HMBOX1: variants seen among roughly 807,000 people sequenced by gnomAD.
The protein encoded by HMBOX1 is homeobox containing 1, also known as homeobox-containing protein 1.
In HMBOX1, 14 loss-of-function variants were observed where a neutral mutation model predicts 54.5. The observed-to-expected ratio is 0.26, with a 90% CI of 0.17 to 0.40. The LOEUF is 0.40. Among genes scored for constraint, HMBOX1 ranks in the 10% least tolerant of loss-of-function variants. The pLI is 1.00. For missense variants in HMBOX1, 332 were observed against 514.4 expected, an observed-to-expected ratio of 0.65 and a Z score of 3.43; for synonymous variants, 160 against 181.0, an observed-to-expected ratio of 0.88 and a Z score of 0.93.
chr8:28,998,797 T>C (rs1832223813), intron 4 of HMBOX1, among the ~76,000 whole-genome samples: 1 of 152,104 alleles, frequency 6.6e-6, no homozygotes, highest in African/African-American at 2.4e-5. Flanking sequence ...TTTTGCTATA[T>C]TTTTCGAGCT....
intron 1 of HMBOX1, among the ~76,000 whole-genome samples, chr8:28,941,789 T>C (rs1165185008): frequency 6.6e-6 from 1 of 152,226 alleles, no homozygotes; most frequent in Non-Finnish European, 1.5e-5. Flanking sequence ...TTTACTTCTC[T>C]ACATACTACT....
At chr8:29,009,002 A>T in intron 4 of HMBOX1, 70 bp from the exon 5 acceptor site, 1 of 1,256,658 alleles carries the variant, frequency 8.0e-7, no homozygotes. Flanking sequence ...GTAACCTAGA[A>T]CCAAAAGATC....
intron 1 of HMBOX1, among the ~76,000 whole-genome samples, chr8:28,902,610 G>T (rs917187303): frequency 6.6e-6 from 1 of 152,170 alleles, no homozygotes; most frequent in Admixed American, 6.5e-5. Context: ...TCTTCAGTAT[G>T]GTGGCTTCAA....
At chr8:28,896,388 A>AAGTAGACTCTATGGTGTTC (rs1554518034) in intron 1 of HMBOX1, among the ~76,000 whole-genome samples, 2 of 124,866 alleles carry the variant, frequency 1.6e-5, no homozygotes. Flanking sequence ...ACAGGTGTGT[A>AAGTAGACTCTATGGTGTTC]GATTGCATAA....
intron 1 of HMBOX1, among the ~76,000 whole-genome samples, chr8:28,921,363 A>G (rs768922307): frequency 2.0e-5 from 3 of 152,152 alleles, no homozygotes; most frequent in African/African-American, 4.8e-5. Flanking sequence ...AAATATTTCC[A>G]TAGACGTTTG....
intron 6 of HMBOX1, among the ~76,000 whole-genome samples, chr8:29,033,481 A>G (rs1803346195): frequency 6.6e-6 from 1 of 152,184 alleles, no homozygotes; most frequent in Non-Finnish European, 1.5e-5. Context: ...TTGACAGGTA[A>G]AGTTATCCCA....
intron 1 of HMBOX1, among the ~76,000 whole-genome samples, chr8:28,894,853 T>G (rs1333028406): frequency 1.3e-5 from 2 of 152,090 alleles, no homozygotes; most frequent in Admixed American, 1.3e-4. Flanking sequence ...GTAATAAAGT[T>G]GAAGTTACAT....
chr8:28,959,463 A>G (rs1004005055), intron 1 of HMBOX1, among the ~76,000 whole-genome samples: 8 of 152,200 alleles, frequency 5.3e-5, no homozygotes, highest in African/African-American at 1.4e-4. Context: ...TTTTCCACGT[A>G]ATATTCTCGG....
intron 1 of HMBOX1, among the ~76,000 whole-genome samples, chr8:28,947,490 A>G (rs1242517053): frequency 1.3e-5 from 2 of 152,212 alleles, no homozygotes; most frequent in South Asian, 2.1e-4. Flanking sequence ...AGCACTCGCT[A>G]CCTAGTAAAT....
rs150071746 is a variant in HMBOX1 at position 29,050,954 on chromosome 8, GTCTC to G, written c.1126-60_1126-57del. Reference sequence around the variant, plus strand: ...GTTCTGCCTCCCCTTGCCCCAGCATGTCTCTCTGTGACTAAAGAATTCTTCCAAT... The same window carrying G: ...GTTCTGCCTCCCCTTGCCCCAGCATGTCTGTGACTAAAGAATTCTTCCAAT... On this transcript the variant is annotated intron_variant, in intron 9 of 9. Coordinates refer to ENST00000287701, the MANE Select transcript of HMBOX1 (RefSeq NM_001135726.3). 1,663 of 1,539,242 alleles carry G rather than the reference GTCTC, an allele frequency of 1.1e-3. 12 individuals carry two copies. In the African/African-American group the frequency reaches 0.021, roughly 19 times the overall value.
intron 6 of HMBOX1, among the ~76,000 whole-genome samples, chr8:29,036,895 T>C (rs781678575): frequency 3.2e-4 from 48 of 152,356 alleles, no homozygotes; most frequent in Non-Finnish European, 6.2e-4. Context: ...CTTAAAGGTC[T>C]TTGATTCTTT....
At chr8:28,987,826 A>G (rs1177050158) in intron 4 of HMBOX1, among the ~76,000 whole-genome samples, 1 of 152,216 alleles carries the variant, frequency 6.6e-6, no homozygotes, top group Non-Finnish European at 1.5e-5. Flanking sequence ...CTTAGAAGAA[A>G]ACTTTTAATG....
intron 1 of HMBOX1, among the ~76,000 whole-genome samples, chr8:28,907,323 A>G (rs932523460): frequency 1.3e-5 from 2 of 152,230 alleles, no homozygotes; most frequent in African/African-American, 4.8e-5. Context: ...TCTTATTGCC[A>G]GGGTAGAGCT....
At position 29,051,187 on chromosome 8, in the gene HMBOX1, G is replaced by C; in HGVS notation, c.*32G>C. 1 of 1,610,840 alleles carries C rather than the reference G, an allele frequency of 6.2e-7. No homozygotes were observed. The highest frequency in any genetic ancestry group is 8.5e-7 in the Non-Finnish European group (1 of 1,178,528). On this transcript the variant is annotated 3_prime_UTR_variant, in exon 10 of 10. Transcript: ENST00000287701. ...AGGTTAAACATGACAAGTTAACTTA[G>C]TTTAGACGTAGCACCTTAGCAGACT...
At chr8:28,950,763 C>T (rs1354641878) in intron 1 of HMBOX1, among the ~76,000 whole-genome samples, 2 of 152,156 alleles carry the variant, frequency 1.3e-5, no homozygotes, top group South Asian at 4.1e-4. Context: ...CATTTCCTAG[C>T]ATAGTTCAAC....
chr8:29,042,292 C>A (rs1378245094), intron 6 of HMBOX1, among the ~76,000 whole-genome samples: 2 of 152,094 alleles, frequency 1.3e-5, no homozygotes, highest in Non-Finnish European at 2.9e-5. Context: ...AGAAGTTGAC[C>A]TTGAAGAGGA....
At chr8:29,018,488 G>T (rs1800670622) in intron 5 of HMBOX1, among the ~76,000 whole-genome samples, 1 of 151,978 alleles carries the variant, frequency 6.6e-6, no homozygotes, top group African/African-American at 2.4e-5. Flanking sequence ...AAGAATTAGG[G>T]TTATTTTAAG....
intron 1 of HMBOX1, chr8:28,891,784 G>C (rs1204814269): frequency 2.0e-5 from 3 of 152,288 alleles, no homozygotes; most frequent in Non-Finnish European, 4.4e-5. Context: ...CAGTGAAGAA[G>C]CATTGGGTGA....
intron 4 of HMBOX1, among the ~76,000 whole-genome samples, chr8:29,005,990 ATTTTTTT>A (rs775589443): frequency 2.5e-5 from 3 of 120,860 alleles, no homozygotes; most frequent in Non-Finnish European, 5.2e-5. Flanking sequence ...GATGCATTCT[ATTTTTTT>A]TTTTTTTTTT....
Sources: gnomAD v4.1 joint callset for allele counts (sites outside exome capture counted in the v4.1 genomes callset) on GRCh38, gnomAD v4.1.1 for gene constraint, MANE v1.5 for transcripts, NCBI Gene and HGNC (gene_info 2026-07-23, HGNC 2026-07-21) for gene names.